SUSD4: variants seen among roughly 807,000 people sequenced by gnomAD.
The protein encoded by SUSD4 is sushi domain containing 4.
In SUSD4, 41 loss-of-function variants were observed where a neutral mutation model predicts 50.5. That is an observed-to-expected ratio of 0.81 (90% confidence interval 0.63 to 1.05). SUSD4 has a LOEUF of 1.05. Among genes scored for constraint, SUSD4 ranks in the 50% least tolerant of loss-of-function variants. The probability of loss-of-function intolerance (pLI) is 0.00; values close to 1 mark genes in which losing one functional copy is unlikely to be tolerated. For missense variants in SUSD4, 580 were observed against 634.7 expected (o/e 0.91, Z 0.93); for synonymous variants, 257 against 257.3 (o/e 1.00, Z 0.01).
At chr1:223,355,701 A>G (rs35345617) in intron 2 of SUSD4, among the ~76,000 whole-genome samples, 8,279 of 152,238 alleles carry the variant, frequency 0.054, 285 homozygotes, top group East Asian at 0.12. Flanking sequence ...CCACGGTGGT[A>G]ATTCTGGGAG....
At chr1:223,335,909 C>T (rs1647366734) in intron 2 of SUSD4, among the ~76,000 whole-genome samples, 1 of 151,856 alleles carries the variant, frequency 6.6e-6, no homozygotes, top group African/African-American at 2.4e-5. Flanking sequence ...ATTTTTAATT[C>T]TTTGGTCGAT....
intron 3 of SUSD4, among the ~76,000 whole-genome samples, chr1:223,270,881 G>A (rs1662870614): frequency 6.6e-6 from 1 of 152,146 alleles, no homozygotes; most frequent in African/African-American, 2.4e-5. Context: ...TTTTCTAACT[G>A]TTCATGTTTA....
intron 5 of SUSD4, among the ~76,000 whole-genome samples, chr1:223,256,273 A>G (rs1179875405): frequency 6.6e-6 from 1 of 152,204 alleles, no homozygotes; most frequent in Non-Finnish European, 1.5e-5. Context: ...CACGGAAGGC[A>G]GTGCAGTACA....
At chr1:223,286,731 G>A (rs982541814) in intron 3 of SUSD4, among the ~76,000 whole-genome samples, 2 of 152,170 alleles carry the variant, frequency 1.3e-5, no homozygotes, top group African/African-American at 4.8e-5. Context: ...GGTTATGCAG[G>A]TAATAAATAA....
intron 2 of SUSD4, among the ~76,000 whole-genome samples, chr1:223,350,532 C>T (rs1170891063): frequency 6.6e-6 from 1 of 152,222 alleles, no homozygotes; most frequent in Non-Finnish European, 1.5e-5. Flanking sequence ...GTCCTCCCTG[C>T]CCATCACTGC....
At chr1:223,282,721 C>A (rs912846848) in intron 3 of SUSD4, among the ~76,000 whole-genome samples, 1 of 152,110 alleles carries the variant, frequency 6.6e-6, no homozygotes, top group Non-Finnish European at 1.5e-5. Context: ...ACTTTCTTCA[C>A]AGAATTGGAA....
At chr1:223,223,156 G>C (rs919705499) in intron 8 of SUSD4, 93 bp downstream of exon 8, 15 of 1,465,544 alleles carry the variant, frequency 1.0e-5, no homozygotes, top group African/African-American at 2.8e-5. Flanking sequence ...ACTCTGTGCT[G>C]GGGGGTGGAG....
Position 223,230,111 on chromosome 1 carries a change from C to T in SUSD4, c.725-723G>A, listed in dbSNP as rs182250497. On this transcript the variant is annotated intron_variant, in intron 5 of 8. Transcript: ENST00000366878. Reference sequence around the variant, plus strand: ...CGCCTTAGGGTTCTGACTCGAATATCCCATCATGTTAGGGGAAGAAAAAGT... The same window carrying T: ...CGCCTTAGGGTTCTGACTCGAATATTCCATCATGTTAGGGGAAGAAAAAGT... Among the ~76,000 whole-genome samples the T allele has an allele frequency of 3.9e-3, 600 of 152,276 alleles. 3 individuals carry two copies. Among genetic ancestry groups the T allele is most frequent in the African/African-American group, 0.014 (565 of 41,554 alleles).
chr1:223,266,011 C>T (rs1427417853), intron 4 of SUSD4, among the ~76,000 whole-genome samples: 1 of 152,164 alleles, frequency 6.6e-6, no homozygotes, highest in Non-Finnish European at 1.5e-5. Context: ...CAGCAAATTG[C>T]TTTGGTTGAA....
chr1:223,266,061 G>A (rs1468214176), intron 4 of SUSD4, among the ~76,000 whole-genome samples: 26 of 152,294 alleles, frequency 1.7e-4, no homozygotes, highest in Non-Finnish European at 7.4e-5. Flanking sequence ...GCAGGTGAGG[G>A]TAAGGCGGGT....
intron 5 of SUSD4, among the ~76,000 whole-genome samples, chr1:223,257,555 C>G (rs1030355145): frequency 6.6e-6 from 1 of 152,098 alleles, no homozygotes; most frequent in African/African-American, 2.4e-5. Context: ...CACTGGGGTA[C>G]GGTGGGTTGG....
intron 4 of SUSD4, among the ~76,000 whole-genome samples, chr1:223,267,488 G>A (rs1228342946): frequency 6.6e-6 from 1 of 152,154 alleles, no homozygotes; most frequent in East Asian, 1.9e-4. Context: ...ACCTGAAAAT[G>A]TAAATAAATC....
At chr1:223,292,863 C>T (rs1664587569) in intron 2 of SUSD4, among the ~76,000 whole-genome samples, 1 of 152,064 alleles carries the variant, frequency 6.6e-6, no homozygotes, top group Admixed American at 6.5e-5. Flanking sequence ...TGTTCAATGG[C>T]CAAGTTAGCC....
chr1:223,308,791 G>A (rs758543945), intron 2 of SUSD4, among the ~76,000 whole-genome samples: 1 of 152,106 alleles, frequency 6.6e-6, no homozygotes, highest in Admixed American at 6.6e-5. Flanking sequence ...TATTCTGAGG[G>A]CAGCAAAACA....
intron 3 of SUSD4, among the ~76,000 whole-genome samples, chr1:223,279,210 A>C (rs1289858709): frequency 6.6e-6 from 1 of 152,212 alleles, no homozygotes; most frequent in Non-Finnish European, 1.5e-5. Flanking sequence ...CAATGGAACA[A>C]AGCTGGATGG....
chr1:223,264,147 G>T, intron 5 of SUSD4: 1 of 985,402 alleles, frequency 1.0e-6, no homozygotes. Context: ...TAGTCATAGA[G>T]ATTTAATAAA....
At chr1:223,263,202 C>T (rs916907027) in intron 5 of SUSD4, among the ~76,000 whole-genome samples, 5 of 152,154 alleles carry the variant, frequency 3.3e-5, no homozygotes, top group African/African-American at 9.7e-5. Context: ...TAGGGAAGAG[C>T]CCCTTCCATC....
At chr1:223,308,143 G>T (rs1665660102) in intron 2 of SUSD4, among the ~76,000 whole-genome samples, 1 of 152,114 alleles carries the variant, frequency 6.6e-6, no homozygotes. Flanking sequence ...GATATGGTTT[G>T]GATCTGTGTC....
chr1:223,290,226 C>T (rs576223034), intron 3 of SUSD4, among the ~76,000 whole-genome samples: 122 of 152,268 alleles, frequency 8.0e-4, no homozygotes, highest in African/African-American at 2.8e-3. Flanking sequence ...GGGAGCATGG[C>T]TATTTACAAA....
Sources: gnomAD v4.1 joint callset for allele counts (sites outside exome capture counted in the v4.1 genomes callset) on GRCh38, gnomAD v4.1.1 for gene constraint, MANE v1.5 for transcripts, NCBI Gene and HGNC (gene_info 2026-07-23, HGNC 2026-07-21) for gene names.